MSI2: variants seen among roughly 807,000 people sequenced by gnomAD.
The protein encoded by MSI2 is musashi RNA binding protein 2.
In MSI2, 17 loss-of-function variants were observed where a neutral mutation model predicts 45.6. The observed-to-expected ratio is 0.37, with a 90% CI of 0.26 to 0.56. The LOEUF is 0.56. Ranked by LOEUF, MSI2 falls within the 20% of genes least tolerant of loss-of-function variation. MSI2 has a pLI of 0.77. For missense variants in MSI2, 293 were observed against 444.2 expected (o/e 0.66, Z 3.06); for synonymous variants, 156 against 158.2 (o/e 0.99, Z 0.11).
intron 6 of MSI2, among the ~76,000 whole-genome samples, chr17:57,422,423 G>A (rs1434100943): frequency 2.0e-5 from 3 of 152,174 alleles, no homozygotes; most frequent in Admixed American, 6.5e-5. Flanking sequence ...TCGCACCACT[G>A]CACTCCAGCC....
intron 6 of MSI2, among the ~76,000 whole-genome samples, chr17:57,437,390 TG>T (rs1437576445): frequency 2.6e-5 from 4 of 152,150 alleles, no homozygotes; most frequent in African/African-American, 9.7e-5. Context: ...ATAATGAACT[TG>T]GGTCAGGTCA....
At chr17:57,439,523 A>G (rs2084756768) in intron 6 of MSI2, among the ~76,000 whole-genome samples, 1 of 151,138 alleles carries the variant, frequency 6.6e-6, no homozygotes, top group Admixed American at 6.6e-5. Context: ...ATGGCATTGC[A>G]GGTCCTGTGC....
intron 6 of MSI2, among the ~76,000 whole-genome samples, chr17:57,485,388 C>T (rs2085732046): frequency 6.6e-6 from 1 of 152,148 alleles, no homozygotes; most frequent in Non-Finnish European, 1.5e-5. Context: ...TTTCTTGGGT[C>T]CATGTTGGCC....
chr17:57,666,889 C>T (rs1454716773), intron 11 of MSI2, among the ~76,000 whole-genome samples: 2 of 152,176 alleles, frequency 1.3e-5, no homozygotes, highest in African/African-American at 4.8e-5. Flanking sequence ...AAGACAGAGG[C>T]AGTCAATGGA....
intron 5 of MSI2, among the ~76,000 whole-genome samples, chr17:57,325,275 T>C (rs752054079): frequency 6.6e-6 from 1 of 151,774 alleles, no homozygotes; most frequent in Non-Finnish European, 1.5e-5. Context: ...GCACACAGAG[T>C]GGTTTAATGG....
intron 6 of MSI2, among the ~76,000 whole-genome samples, chr17:57,421,251 G>C (rs765076368): frequency 1.3e-5 from 2 of 152,112 alleles, no homozygotes; most frequent in Admixed American, 1.3e-4. Flanking sequence ...TAATGGCCCC[G>C]TGGCAGTCCC....
chr17:57,348,848 A>G (rs1334679345), intron 5 of MSI2, among the ~76,000 whole-genome samples: 1 of 152,180 alleles, frequency 6.6e-6, no homozygotes, highest in Non-Finnish European at 1.5e-5. Flanking sequence ...CCCAACTCAC[A>G]TCCCCTCTCA....
At chr17:57,422,865 A>G (rs1479104873) in intron 6 of MSI2, among the ~76,000 whole-genome samples, 4 of 152,174 alleles carry the variant, frequency 2.6e-5, no homozygotes, top group Non-Finnish European at 4.4e-5. Flanking sequence ...GCACTTACGA[A>G]TGGGTGAGTC....
At chr17:57,697,735 G>A in the MSI2 span, among the ~76,000 whole-genome samples, 1 of 151,986 alleles carries the variant, frequency 6.6e-6, no homozygotes, top group Admixed American at 6.6e-5. Context: ...AAGCAAAAGG[G>A]GTTTCCCTTA....
At chr17:57,535,487 A>G (rs1014084408) in intron 7 of MSI2, among the ~76,000 whole-genome samples, 3 of 152,260 alleles carry the variant, frequency 2.0e-5, no homozygotes, top group Admixed American at 1.3e-4. Flanking sequence ...CCAGAGGCAA[A>G]GGAACAGGAG....
At position 57,588,296 on chromosome 17, in the gene MSI2, A is replaced by G. The variant is rs114447727; in HGVS notation, c.455-8572A>G. On this transcript the variant is annotated intron_variant, in intron 7 of 13. Coordinates refer to ENST00000284073, the MANE Select transcript of MSI2 (RefSeq NM_138962.4). ...ATCCCTGAGGCTGGGTGCTGTGTAC[A>G]GCTCAGGTCAGCGTGCCTGCCCCTT... Among the ~76,000 whole-genome samples the G allele has an allele frequency of 6.0e-3, 914 of 152,346 alleles. 8 individuals are homozygous for G. Among genetic ancestry groups the G allele is most frequent in the African/African-American group, 0.021 (876 of 41,582 alleles).
At chr17:57,578,632 CAG>C (rs1334585468) in intron 7 of MSI2, among the ~76,000 whole-genome samples, 6 of 152,100 alleles carry the variant, frequency 3.9e-5, no homozygotes, top group Non-Finnish European at 7.4e-5. Flanking sequence ...TCTAGCAAAA[CAG>C]GAGTAAAAAC....
At chr17:57,359,711 A>G (rs1212534370) in intron 5 of MSI2, among the ~76,000 whole-genome samples, 2 of 152,168 alleles carry the variant, frequency 1.3e-5, no homozygotes, top group Non-Finnish European at 2.9e-5. Context: ...GGAAATCCCA[A>G]TTGTTGAGGC....
intron 6 of MSI2, among the ~76,000 whole-genome samples, chr17:57,447,951 A>G (rs1392690482): frequency 6.6e-6 from 1 of 152,206 alleles, no homozygotes; most frequent in Non-Finnish European, 1.5e-5. Flanking sequence ...CCTTCATCTG[A>G]AATATCACTG....
chr17:57,576,388 T>C (rs1248834265), intron 7 of MSI2, among the ~76,000 whole-genome samples: 1 of 152,224 alleles, frequency 6.6e-6, no homozygotes, highest in East Asian at 1.9e-4. Flanking sequence ...CCAATGAATG[T>C]TTGTTGTAGG....
At position 57,684,081 on chromosome 17, in the gene MSI2, T is replaced by A. The variant is rs557760397; in HGVS notation, c.*4564T>A. ...AGAATGTATTGTCTCAGACAGGATT[T>A]CAGTTCCGGGAGGCAGGGGCATGAT... On this transcript the variant is annotated 3_prime_UTR_variant, in exon 14 of 14. Coordinates refer to ENST00000284073, the MANE Select transcript of MSI2 (RefSeq NM_138962.4). The A allele has an allele frequency of 9.0e-6, 2 of 221,848 alleles. No individual in the cohort carries two copies. The highest frequency in any genetic ancestry group is 3.7e-4 in the South Asian group (2 of 5,422). The allele number at this position is 221,848 out of a possible 1,614,324, so 13.7% of individuals were successfully genotyped here.
chr17:57,688,091 A>G (rs1225932317), downstream of MSI2, among the ~76,000 whole-genome samples: 1 of 152,178 alleles, frequency 6.6e-6, no homozygotes, highest in African/African-American at 2.4e-5. Context: ...ACCAACATTA[A>G]TTATTCTAAA....
intron 5 of MSI2, among the ~76,000 whole-genome samples, chr17:57,399,518 T>C (rs933568990): frequency 6.7e-6 from 1 of 150,114 alleles, no homozygotes; most frequent in Non-Finnish European, 1.5e-5. Flanking sequence ...AGCTCCAAGT[T>C]TGGGGTCAAC....
chr17:57,351,809 C>A (rs562220729), intron 5 of MSI2, among the ~76,000 whole-genome samples: 1 of 152,206 alleles, frequency 6.6e-6, no homozygotes, highest in Non-Finnish European at 1.5e-5. Context: ...GAGCCGAGAT[C>A]GTGCCACTGC....
Sources: gnomAD v4.1 joint callset for allele counts (sites outside exome capture counted in the v4.1 genomes callset) on GRCh38, gnomAD v4.1.1 for gene constraint, MANE v1.5 for transcripts, NCBI Gene and HGNC (gene_info 2026-07-23, HGNC 2026-07-21) for gene names.